The following PACRG variants were observed in gnomAD, a reference collection of about 807,000 sequenced individuals.
The protein encoded by PACRG is parkin coregulated gene protein.
In PACRG, 29 loss-of-function variants were observed where a neutral mutation model predicts 29.7. The ratio of observed to expected loss-of-function variants is 0.98; its 90% CI spans 0.73 to 1.33. The LOEUF (loss-of-function observed/expected upper bound fraction) is 1.33. Among genes scored for constraint, PACRG ranks in the 40% most tolerant of loss-of-function variants. The pLI, the probability that PACRG is intolerant of heterozygous loss-of-function variation, is 0.00. For missense variants in PACRG, 279 were observed against 316.2 expected, an observed-to-expected ratio of 0.88 and a Z score of 0.89; for synonymous variants, 116 against 118.7, an observed-to-expected ratio of 0.98 and a Z score of 0.15.
chr6:162,914,508 G>GTTTTTTTTTTTTTTTTTTTTTTTTT (rs3028611), intron 2 of PACRG, among the ~76,000 whole-genome samples: 1 of 95,098 alleles, frequency 1.1e-5, no homozygotes, highest in Non-Finnish European at 2.1e-5. Flanking sequence ...GTACTTTTTT[G>GTTTTTTTTTTTTTTTTTTTTTTTTT]TTTTTTTTTT....
At chr6:162,728,895 C>T (rs1202877596) in intron 1 of PACRG, among the ~76,000 whole-genome samples, 1 of 152,136 alleles carries the variant, frequency 6.6e-6, no homozygotes, top group Admixed American at 6.5e-5. Context: ...CAACACTTGT[C>T]TCTTACAAAA....
At chr6:163,197,520 T>A (rs1308157295) in intron 4 of PACRG, among the ~76,000 whole-genome samples, 1 of 146,464 alleles carries the variant, frequency 6.8e-6, no homozygotes, top group African/African-American at 2.5e-5. Context: ...CTCGGCTCAC[T>A]GCAAGCTCTG....
chr6:162,838,742 C>T (rs1789476681), intron 2 of PACRG, among the ~76,000 whole-genome samples: 1 of 113,072 alleles, frequency 8.8e-6, no homozygotes. Flanking sequence ...TCCCTCCCCC[C>T]TCCCCCCACC....
chr6:163,294,648 A>G lies in PACRG; in HGVS notation c.614-20179A>G, dbSNP rs192119696. ...CATTTAAATTCTACCAATCACAGTG[A>G]CTCAAAATTATAATTTGTAATTATA... On this transcript the variant is annotated intron_variant, in intron 4 of 4. Coordinates refer to ENST00000366888, the MANE Select transcript of PACRG (RefSeq NM_001080379.2). 6.3e-3 allele frequency among the ~76,000 whole-genome samples: 966 copies of G among 152,322 alleles called. 11 individuals carry two copies. Among genetic ancestry groups the G allele is most frequent in the African/African-American group, 0.022 (916 of 41,584 alleles).
At chr6:162,971,510 A>G (rs1801525672) in intron 2 of PACRG, among the ~76,000 whole-genome samples, 1 of 152,140 alleles carries the variant, frequency 6.6e-6, no homozygotes. Context: ...CTACAACATA[A>G]AACAAAAACC....
intron 4 of PACRG, among the ~76,000 whole-genome samples, chr6:163,198,987 A>G (rs903985802): frequency 1.3e-5 from 2 of 152,178 alleles, no homozygotes; most frequent in Non-Finnish European, 2.9e-5. Flanking sequence ...GAAAGGTTAC[A>G]TTCTTCTGAG....
intron 2 of PACRG, among the ~76,000 whole-genome samples, chr6:162,846,277 CG>C (rs1306464830): frequency 6.6e-6 from 1 of 152,146 alleles, no homozygotes; most frequent in Non-Finnish European, 1.5e-5. Flanking sequence ...CACAGGAACA[CG>C]GTAGATTTTA....
rs9356099 is a variant in PACRG, at chr6:163,151,810, A to G, written c.613+62402A>G. 1.4e-3 allele frequency among the ~76,000 whole-genome samples: 219 copies of G among 152,366 alleles called. 5 individuals carry two copies. The East Asian group carries it at 0.035, about 24-fold the overall frequency. Reference sequence around the variant, plus strand: ...GGAACTTAAATATTATCAAAGCTGTATGTCTAGAATGAAGAATGAAATGAA... The same window carrying G: ...GGAACTTAAATATTATCAAAGCTGTGTGTCTAGAATGAAGAATGAAATGAA... On this transcript the variant is annotated intron_variant, in intron 4 of 4. Coordinates refer to ENST00000366888, the MANE Select transcript of PACRG (RefSeq NM_001080379.2).
At chr6:162,879,567 A>G (rs1469223495) in intron 2 of PACRG, among the ~76,000 whole-genome samples, 4 of 152,272 alleles carry the variant, frequency 2.6e-5, no homozygotes, top group African/African-American at 9.6e-5. Flanking sequence ...TTTTAAATCA[A>G]TCCAATGTAG....
intron 2 of PACRG, among the ~76,000 whole-genome samples, chr6:162,883,991 T>C (rs529624176): frequency 6.6e-6 from 1 of 152,134 alleles, no homozygotes; most frequent in East Asian, 1.9e-4. Context: ...CAAGCTGGAG[T>C]GTAATGTGCA....
intron 2 of PACRG, among the ~76,000 whole-genome samples, chr6:162,966,866 A>G (rs1801080607): frequency 6.6e-6 from 1 of 152,216 alleles, no homozygotes; most frequent in South Asian, 2.1e-4. Flanking sequence ...GGTAAGCTAA[A>G]TGACAAATGG....
intron 4 of PACRG, among the ~76,000 whole-genome samples, chr6:163,144,215 T>G (rs1363822816): frequency 1.7e-5 from 2 of 119,466 alleles, no homozygotes; most frequent in African/African-American, 6.3e-5. Context: ...GGAGACAGAG[T>G]GAGACTCCGT....
At chr6:163,129,020 T>C (rs571388401) in intron 4 of PACRG, among the ~76,000 whole-genome samples, 1 of 152,218 alleles carries the variant, frequency 6.6e-6, no homozygotes, top group South Asian at 2.1e-4. Flanking sequence ...ACTCAAAATA[T>C]TGAGGAAAAC....
At chr6:162,792,771 C>T (rs1785061866) in intron 1 of PACRG, among the ~76,000 whole-genome samples, 2 of 152,160 alleles carry the variant, frequency 1.3e-5, no homozygotes, top group Admixed American at 6.5e-5. Flanking sequence ...AAGAGGTTTT[C>T]CTGATGACCG....
At chr6:163,218,810 G>A (rs556005871) in intron 4 of PACRG, among the ~76,000 whole-genome samples, 1 of 152,194 alleles carries the variant, frequency 6.6e-6, no homozygotes, top group Non-Finnish European at 1.5e-5. Context: ...CTCTCAACAT[G>A]TATATAGCCC....
intron 2 of PACRG, among the ~76,000 whole-genome samples, chr6:162,931,534 A>T (rs2128106404): frequency 6.6e-6 from 1 of 152,098 alleles, no homozygotes. Flanking sequence ...TGCAGTTGAT[A>T]TGATATGCAG....
intron 4 of PACRG, among the ~76,000 whole-genome samples, chr6:163,139,862 T>A (rs981663621): frequency 1.3e-5 from 2 of 152,252 alleles, no homozygotes; most frequent in African/African-American, 4.8e-5. Flanking sequence ...TCTAACTAGA[T>A]GCGTTTGCTA....
chr6:162,897,948 C>A (rs1045277118), intron 2 of PACRG, among the ~76,000 whole-genome samples: 1 of 152,126 alleles, frequency 6.6e-6, no homozygotes, highest in African/African-American at 2.4e-5. Flanking sequence ...AGGTGGTCAC[C>A]CTGATGTGAA....
intron 4 of PACRG, among the ~76,000 whole-genome samples, chr6:163,312,220 G>A (rs538889265): frequency 7.2e-5 from 11 of 152,192 alleles, no homozygotes; most frequent in African/African-American, 2.6e-4. Flanking sequence ...TGGGGAGAAG[G>A]GGCACACAAA....
Sources: allele counts gnomAD v4.1 joint callset (sites outside exome capture counted in the v4.1 genomes callset), GRCh38; gene constraint gnomAD v4.1.1; transcripts MANE v1.5; gene names NCBI Gene and HGNC (gene_info 2026-07-23, HGNC 2026-07-21).